GEMIN5: variants seen among roughly 807,000 people sequenced by gnomAD.
GEMIN5 encodes the protein gem-associated protein 5.
Under a neutral mutation model 176.9 loss-of-function variants are expected in GEMIN5, and 124 were observed. The ratio of observed to expected loss-of-function variants is 0.70; its 90% CI spans 0.61 to 0.81. The LOEUF is 0.81. GEMIN5 is among the 40% of genes least tolerant of loss of function. GEMIN5 has a pLI of 0.00. For synonymous variants in GEMIN5, 673 were observed against 665.2 expected (o/e 1.01, Z -0.18); for missense variants, 1,843 against 1,814.6 (o/e 1.02, Z -0.28).
At chr5:154,923,908 C>T (rs554889078) in intron 9 of GEMIN5, among the ~76,000 whole-genome samples, 5 of 152,124 alleles carry the variant, frequency 3.3e-5, no homozygotes, top group South Asian at 4.2e-4. Context: ...TCTAGAGCAG[C>T]GGTGTACAAA....
Position 154,901,433 on chromosome 5 carries a change from A to G in GEMIN5, c.2920T>C (p.Phe974Leu). The change falls in exon 21 of 28, where the codon TTT (phenylalanine) becomes CTT (leucine). Residue 974 changes from phenylalanine (F) to leucine (L), a missense_variant. Physicochemically the swap from Phe to Leu is conservative, Grantham distance 22 (BLOSUM62 0). Transcript: ENST00000285873. ...AVEAFAKQLC[F>L]QDQYVKAASH... Reference sequence around the variant, plus strand: ...GCAGCCTTGACATACTGATCCTGAAAACACAGCTGTTTGGCAAAAGCTTCC... The same window carrying G: ...GCAGCCTTGACATACTGATCCTGAAGACACAGCTGTTTGGCAAAAGCTTCC... 1.2e-6 allele frequency: 2 copies of G among 1,614,062 alleles called. No individual in the cohort carries two copies. Among genetic ancestry groups the G allele is most frequent in the Non-Finnish European group, 1.7e-6 (2 of 1,179,898 alleles).
At chr5:154,910,248 G>A (rs888491249) in intron 15 of GEMIN5, among the ~76,000 whole-genome samples, 1 of 151,718 alleles carries the variant, frequency 6.6e-6, no homozygotes, top group Non-Finnish European at 1.5e-5. Flanking sequence ...GTCTTTATGT[G>A]GACACATCAT....
intron 3 of GEMIN5, among the ~76,000 whole-genome samples, chr5:154,934,757 C>T (rs751084042): frequency 1.3e-5 from 2 of 152,254 alleles, no homozygotes; most frequent in South Asian, 2.1e-4. Flanking sequence ...TTTATGGCCA[C>T]GATTCTTTGT....
At chr5:154,936,067 T>G (rs748173951) in intron 2 of GEMIN5, 45 bp from the exon 3 acceptor site, 9 of 1,203,912 alleles carry the variant, frequency 7.5e-6, no homozygotes, top group Non-Finnish European at 1.1e-5. Context: ...GCTGAAGTTC[T>G]ACTTAATTTT....
At chr5:154,891,196 G>A in intron 26 of GEMIN5, 45 bp downstream of exon 26, 8 of 1,552,852 alleles carry the variant, frequency 5.2e-6, no homozygotes, top group Non-Finnish European at 7.0e-6. Context: ...TTCCTAGCCA[G>A]CAGGGTCATT....
rs369849441 is a variant in GEMIN5 at position 154,902,539 on chromosome 5, C to A, written c.2866G>T (p.Ala956Ser). 4 of 1,613,746 alleles carry A rather than the reference C, an allele frequency of 2.5e-6. No homozygotes were observed. The African/African-American group carries it at 5.3e-5, about 22-fold the overall frequency. Residue 956 changes from alanine to serine, a missense_variant and splice_region_variant, in exon 20 of 28, where the codon GCT becomes TCT. By Grantham distance (99) the Ala-to-Ser change is moderately conservative. Coordinates refer to ENST00000285873, the MANE Select transcript of GEMIN5 (RefSeq NM_015465.5). ...AAGAACAAACAAACAAAAACCATAC[C>A]TGCTGGTGCCATAGCCACAAGGTTG... Reference protein sequence around the residue: ...TDNLVAMAPAAGYHVWLWAVE... With the variant: ...TDNLVAMAPASGYHVWLWAVE...
chr5:154,922,947 C>T (rs1443513484), intron 9 of GEMIN5, among the ~76,000 whole-genome samples: 1 of 152,124 alleles, frequency 6.6e-6, no homozygotes, highest in Non-Finnish European at 1.5e-5. Context: ...CCGCCCGCCT[C>T]AGCCTCCCAA....
intron 13 of GEMIN5, among the ~76,000 whole-genome samples, chr5:154,916,354 C>A (rs1193177630): frequency 4.6e-5 from 7 of 152,128 alleles, no homozygotes; most frequent in Admixed American, 4.6e-4. Context: ...CACAAGTACA[C>A]AGAAGTGCAA....
intron 27 of GEMIN5, among the ~76,000 whole-genome samples, chr5:154,888,861 T>TTTTGC (rs1763162694): frequency 6.6e-6 from 1 of 150,424 alleles, no homozygotes; most frequent in Non-Finnish European, 1.5e-5. Context: ...TTTTTTTTTG[T>TTTTGC]TTTGTTTTTT....
chr5:154,896,449 A>T, intron 23 of GEMIN5, 106 bp from the exon 24 acceptor site: 1 of 1,196,572 alleles, frequency 8.4e-7, no homozygotes, highest in Non-Finnish European at 1.1e-6. Flanking sequence ...TATCTGCAGC[A>T]ACCAAAGCAC....
At chr5:154,912,445 G>C (rs1763720987) in intron 14 of GEMIN5, among the ~76,000 whole-genome samples, 1 of 152,150 alleles carries the variant, frequency 6.6e-6, no homozygotes, top group Non-Finnish European at 1.5e-5. Flanking sequence ...CCCAGCTCTA[G>C]TTCTGATATC....
chr5:154,905,250 G>C, intron 17 of GEMIN5, 113 bp downstream of exon 17: 1 of 509,106 alleles, frequency 2.0e-6, no homozygotes, highest in Non-Finnish European at 3.6e-6. Context: ...CAAATATTTT[G>C]AACCTATAAA....
chr5:154,931,131 T>C (rs999129159), intron 5 of GEMIN5, among the ~76,000 whole-genome samples: 2 of 152,276 alleles, frequency 1.3e-5, no homozygotes, highest in Non-Finnish European at 2.9e-5. Flanking sequence ...TAAGATATTT[T>C]CCATTCTCCT....
intron 2 of GEMIN5, 50 bp from the exon 3 acceptor site, chr5:154,936,072 A>C: frequency 8.7e-7 from 1 of 1,147,002 alleles, no homozygotes; most frequent in Non-Finnish European, 1.2e-6. Flanking sequence ...AGTTCTACTT[A>C]ATTTTTAACT....
intron 2 of GEMIN5, 21 bp downstream of exon 2, chr5:154,937,004 G>A (rs1232670524): frequency 6.3e-7 from 1 of 1,594,668 alleles, no homozygotes; most frequent in South Asian, 1.1e-5. Flanking sequence ...AACGGTTTGA[G>A]AAACCAGTAA....
At chr5:154,919,308 A>G (rs1454880801) in intron 11 of GEMIN5, among the ~76,000 whole-genome samples, 1 of 152,062 alleles carries the variant, frequency 6.6e-6, no homozygotes, top group Non-Finnish European at 1.5e-5. Flanking sequence ...CTCCAGCCTG[A>G]GTGACAGAGT....
chr5:154,922,972 AG>A (rs1165997276), intron 9 of GEMIN5, among the ~76,000 whole-genome samples: 1 of 152,200 alleles, frequency 6.6e-6, no homozygotes, highest in East Asian at 1.9e-4. Flanking sequence ...TTGGGATTAC[AG>A]GCGTGAGCCA....
At chr5:154,890,608 T>C (rs561354871) in intron 26 of GEMIN5, among the ~76,000 whole-genome samples, 56 of 151,998 alleles carry the variant, frequency 3.7e-4, no homozygotes, top group Non-Finnish European at 7.1e-4. Context: ...GGACTACAAG[T>C]GCATGCCACC....
chr5:154,922,081 T>C (rs1763933898), intron 9 of GEMIN5, among the ~76,000 whole-genome samples: 1 of 152,268 alleles, frequency 6.6e-6, no homozygotes, highest in South Asian at 2.1e-4. Context: ...GACAAATTTA[T>C]AGTGATCAAT....
Sources: gnomAD v4.1 joint callset for allele counts (sites outside exome capture counted in the v4.1 genomes callset) on GRCh38, gnomAD v4.1.1 for gene constraint, MANE v1.5 for transcripts, NCBI Gene and HGNC (gene_info 2026-07-23, HGNC 2026-07-21) for gene names.